The following PRKAR1A variants were observed in gnomAD, a reference collection of about 807,000 sequenced individuals.
PRKAR1A encodes the protein cAMP-dependent protein kinase type I-alpha regulatory subunit.
Under a neutral mutation model 52.0 loss-of-function variants are expected in PRKAR1A, and 3 were observed. The ratio of observed to expected loss-of-function variants is 0.06; its 90% confidence interval spans 0.03 to 0.15. The LOEUF is 0.15. PRKAR1A is among the 10% of genes least tolerant of loss of function. The pLI is 1.00. For synonymous variants in PRKAR1A, 188 were observed against 168.4 expected (o/e 1.12, Z -0.90); for missense variants, 240 against 477.4 (o/e 0.50, Z 4.63).
chr17:68,457,331 TC>T, the PRKAR1A span: 3 of 1,543,868 alleles, frequency 1.9e-6, no homozygotes, highest in Non-Finnish European at 2.6e-6. Flanking sequence ...AGGGGCCGAG[TC>T]GCAGCTTACG....
chr17:68,525,139 A>T (rs1463299404), intron 6 of PRKAR1A, among the ~76,000 whole-genome samples, 181 bp downstream of exon 6: 1 of 152,090 alleles, frequency 6.6e-6, no homozygotes, highest in Non-Finnish European at 1.5e-5. Context: ...TTTTCTGTTC[A>T]GAACTTTGCT....
the PRKAR1A span, among the ~76,000 whole-genome samples, chr17:68,418,161 A>G: frequency 2.0e-5 from 3 of 152,178 alleles, no homozygotes; most frequent in Non-Finnish European, 4.4e-5. Context: ...TAAGCTGGAC[A>G]TTGTTGGTGA....
chr17:68,480,384 A>C, the PRKAR1A span, among the ~76,000 whole-genome samples: 1 of 152,138 alleles, frequency 6.6e-6, no homozygotes, highest in African/African-American at 2.4e-5. Flanking sequence ...TAGGTGCCCC[A>C]GGGATATCAT....
At chr17:68,523,644 A>G in intron 3 of PRKAR1A, 81 bp from the exon 4 acceptor site, 1 of 1,052,756 alleles carries the variant, frequency 9.5e-7, no homozygotes, top group Non-Finnish European at 1.5e-6. Flanking sequence ...ATGTGGCTTG[A>G]CATTTAATTG....
chr17:68,431,981 C>G, the PRKAR1A span, among the ~76,000 whole-genome samples: 1 of 152,114 alleles, frequency 6.6e-6, no homozygotes, highest in East Asian at 1.9e-4. Flanking sequence ...GTGCTCAAAC[C>G]CATGACAACA....
rs2085978207 is a variant in PRKAR1A at position 68,531,632 on chromosome 17, C to T, written c.*1183C>T. The T allele has an allele frequency of 9.4e-7, 1 of 1,066,270 alleles. No individual in the cohort carries two copies. The highest frequency in any genetic ancestry group is 1.1e-6 in the Non-Finnish European group (1 of 879,634). 66.1% of individuals were successfully genotyped at this position (1,066,270 alleles called of 1,614,324 possible). A position where few individuals can be genotyped will look rare whatever the true frequency, so the allele number is the denominator to read the frequency against. On this transcript the variant is annotated 3_prime_UTR_variant, in exon 11 of 11. Coordinates refer to ENST00000589228, the MANE Select transcript of PRKAR1A (RefSeq NM_002734.5). ...GGTAGGGTATAATGTGTCTGTGTTG[C>T]TTCAAATTGGTCTGAAAGGCTATCC...
intron 2 of PRKAR1A, among the ~76,000 whole-genome samples, chr17:68,520,205 C>G (rs931295085): frequency 6.6e-6 from 1 of 152,204 alleles, no homozygotes; most frequent in African/African-American, 2.4e-5. Context: ...TGTCCACTTA[C>G]ATTCCATGGC....
the PRKAR1A span, among the ~76,000 whole-genome samples, chr17:68,460,294 G>A: frequency 6.6e-6 from 1 of 152,202 alleles, no homozygotes. Flanking sequence ...GATGGGGAAG[G>A]GGGAGGGGCA....
rs776888368 is a variant in PRKAR1A at position 68,542,157 on chromosome 17, C to T, written c.974-8927C>T. Reference sequence around the variant, plus strand: ...TATGGACACTTGGCGAAGAAGCACACGTTGCTCGCTGGAGGATGGGGAGGA... The same window carrying T: ...TATGGACACTTGGCGAAGAAGCACATGTTGCTCGCTGGAGGATGGGGAGGA... On this transcript the variant is annotated intron_variant, in intron 11 of 11. Coordinates refer to the PRKAR1A transcript ENST00000585981. The T allele has an allele frequency of 8.1e-6, 13 of 1,613,754 alleles. No homozygotes were observed. In the East Asian group the frequency reaches 8.9e-5, roughly 11 times the overall value.
chr17:68,526,273 T>C (rs770527819), intron 7 of PRKAR1A, among the ~76,000 whole-genome samples: 3 of 152,200 alleles, frequency 2.0e-5, no homozygotes, highest in Non-Finnish European at 2.9e-5. Flanking sequence ...CTTAAAGTTA[T>C]TTGGGGCCAT....
the PRKAR1A span, among the ~76,000 whole-genome samples, chr17:68,472,696 A>T: frequency 6.6e-6 from 1 of 152,146 alleles, no homozygotes; most frequent in African/African-American, 2.4e-5. Flanking sequence ...CTGTAATCCC[A>T]GCACTTTGGG....
At position 68,532,870 on chromosome 17, in the gene PRKAR1A, A is replaced by G. The variant is rs1441617008; in HGVS notation, c.*2421A>G. 9.4e-7 allele frequency: 1 copy of G among 1,066,222 alleles called. No individual in the cohort carries two copies. Among genetic ancestry groups the G allele is most frequent in the East Asian group, 5.0e-5 (1 of 20,168 alleles). 66.0% of individuals were successfully genotyped at this position (1,066,222 alleles called of 1,614,324 possible). On this transcript the variant is annotated 3_prime_UTR_variant, in exon 11 of 11. Transcript: ENST00000589228. Reference sequence around the variant, plus strand: ...GCAAAAATGAAAAGGGGGAAAGTGAATTATGGGATCGGTGTTTTGAAAGAG... The same window carrying G: ...GCAAAAATGAAAAGGGGGAAAGTGAGTTATGGGATCGGTGTTTTGAAAGAG...
rs150228959 is a variant in PRKAR1A at position 68,544,618 on chromosome 17, A to C, written c.974-6466A>C. Among the ~76,000 whole-genome samples, 274 of 152,336 alleles carry C rather than the reference A, an allele frequency of 1.8e-3. 2 individuals are homozygous for C. The highest frequency in any genetic ancestry group is 5.7e-3 in the African/African-American group (238 of 41,580). On this transcript the variant is annotated intron_variant, in intron 11 of 11. Transcript: ENST00000585981. ...ACTGGCAATTTAAACCGTGTTGTGCATTTTGCCAAAAAACACGAGTGAGTC... is the reference window on the plus strand; with the variant it reads ...ACTGGCAATTTAAACCGTGTTGTGCCTTTTGCCAAAAAACACGAGTGAGTC...
chr17:68,531,255 T>G lies in PRKAR1A; in HGVS notation c.*806T>G, dbSNP rs2085966923. On this transcript the variant is annotated 3_prime_UTR_variant, in exon 11 of 11. Transcript: ENST00000589228. ...CCTTTATCCAGCTAGTGCCAAATAA[T>G]TGATCAGATGCTGAATTGAGAATAA... 1 of 1,066,284 alleles carries G rather than the reference T, an allele frequency of 9.4e-7. No homozygotes were observed. Among genetic ancestry groups the G allele is most frequent in the Non-Finnish European group, 1.1e-6 (1 of 879,648 alleles). The allele number at this position is 1,066,284 out of a possible 1,614,324, so 66.1% of individuals were successfully genotyped here.
chr17:68,549,516 G>T (rs1234943694), intron 11 of PRKAR1A, among the ~76,000 whole-genome samples: 1 of 151,670 alleles, frequency 6.6e-6, no homozygotes, highest in African/African-American at 2.4e-5. Flanking sequence ...AAAAGTTAGA[G>T]ACATCCTATT....
At chr17:68,472,940 G>T in the PRKAR1A span, among the ~76,000 whole-genome samples, 1 of 151,356 alleles carries the variant, frequency 6.6e-6, no homozygotes, top group Non-Finnish European at 1.5e-5. Context: ...GTGATACTCT[G>T]TCTCAAAAAA....
chr17:68,498,742 G>T, the PRKAR1A span, among the ~76,000 whole-genome samples: 5 of 152,212 alleles, frequency 3.3e-5, no homozygotes, highest in African/African-American at 1.2e-4. Flanking sequence ...TGGCTCTGAT[G>T]TCTGTTGACA....
chr17:68,512,132 G>T, upstream of PRKAR1A: 1 of 154,172 alleles, frequency 6.5e-6, no homozygotes. Context: ...AAGACACCCA[G>T]AGAGGGACAG....
At chr17:68,443,481 G>A in the PRKAR1A span, among the ~76,000 whole-genome samples, 2 of 152,154 alleles carry the variant, frequency 1.3e-5, no homozygotes, top group Non-Finnish European at 2.9e-5. Flanking sequence ...AACAGCCAAG[G>A]GCCATTTATA....
Sources: allele counts gnomAD v4.1 joint callset (sites outside exome capture counted in the v4.1 genomes callset), GRCh38; gene constraint gnomAD v4.1.1; transcripts MANE v1.5; gene names NCBI Gene and HGNC (gene_info 2026-07-23, HGNC 2026-07-21).